Variants in PRKG1 observed in about 807,000 individuals in gnomAD.
The protein encoded by PRKG1 is protein kinase cGMP-dependent 1.
A neutral mutation model predicts 88.1 loss-of-function variants in PRKG1; 35 were observed. That is an observed-to-expected ratio of 0.40 (90% CI 0.30 to 0.53). The LOEUF is 0.53. Ranked by LOEUF, PRKG1 falls within the 20% of genes least tolerant of loss-of-function variation. The probability of loss-of-function intolerance (pLI) is 0.59; values close to 1 mark genes in which losing one functional copy is unlikely to be tolerated. For synonymous variants in PRKG1, 303 were observed against 292.5 expected (o/e 1.04, Z -0.37); for missense variants, 540 against 839.8 (o/e 0.64, Z 4.41).
At chr10:51,611,244 C>G (rs1292715972) in intron 3 of PRKG1, among the ~76,000 whole-genome samples, 1 of 152,096 alleles carries the variant, frequency 6.6e-6, no homozygotes, top group Non-Finnish European at 1.5e-5. Flanking sequence ...TTCCCACCAA[C>G]AGTGTATAAC....
At chr10:51,159,632 TG>T (rs1451145112) in intron 2 of PRKG1, among the ~76,000 whole-genome samples, 1 of 152,156 alleles carries the variant, frequency 6.6e-6, no homozygotes, top group East Asian at 1.9e-4. Context: ...AAGGAAGGGA[TG>T]TGAAATATTT....
At chr10:52,141,590 A>T (rs557009088) in intron 8 of PRKG1, among the ~76,000 whole-genome samples, 2 of 152,256 alleles carry the variant, frequency 1.3e-5, no homozygotes, top group South Asian at 4.1e-4. Context: ...CATCTCTGTT[A>T]TATGGATAGT....
intron 2 of PRKG1, among the ~76,000 whole-genome samples, chr10:51,294,060 A>T (rs1001728209): frequency 3.3e-5 from 5 of 151,926 alleles, no homozygotes; most frequent in African/African-American, 9.7e-5. Flanking sequence ...CCTAAGTTTT[A>T]ATAGAGTTTC....
At chr10:52,015,965 A>G (rs992497015) in intron 5 of PRKG1, among the ~76,000 whole-genome samples, 1 of 152,192 alleles carries the variant, frequency 6.6e-6, no homozygotes, top group Non-Finnish European at 1.5e-5. Context: ...TGTTCATATC[A>G]CTATCAGCAT....
chr10:51,761,269 A>T (rs1838015505), intron 3 of PRKG1, among the ~76,000 whole-genome samples: 2 of 152,238 alleles, frequency 1.3e-5, no homozygotes, highest in African/African-American at 4.8e-5. Flanking sequence ...TTAAAATAGC[A>T]TTACTACTAG....
At chr10:51,757,211 C>T (rs1404991003) in intron 3 of PRKG1, among the ~76,000 whole-genome samples, 2 of 152,118 alleles carry the variant, frequency 1.3e-5, no homozygotes, top group Non-Finnish European at 2.9e-5. Context: ...AAGTGATTCT[C>T]CTGCCTCAAC....
chr10:51,070,771 A>G (rs531299875), upstream of PRKG1, among the ~76,000 whole-genome samples: 1 of 152,320 alleles, frequency 6.6e-6, no homozygotes, highest in South Asian at 2.1e-4. Flanking sequence ...GTGCAAGACT[A>G]AAGAGCATGT....
chr10:52,029,072 A>G (rs1263648504), intron 5 of PRKG1, among the ~76,000 whole-genome samples: 1 of 152,226 alleles, frequency 6.6e-6, no homozygotes, highest in Non-Finnish European at 1.5e-5. Flanking sequence ...CTGTGACCCA[A>G]GGTGGTGCTT....
intron 3 of PRKG1, among the ~76,000 whole-genome samples, chr10:51,526,566 T>TA (rs1264277565): frequency 6.6e-6 from 1 of 152,212 alleles, no homozygotes; most frequent in African/African-American, 2.4e-5. Flanking sequence ...TAATCATTTT[T>TA]AAAAAATTTA....
chr10:51,266,384 G>A (rs1036851208), intron 2 of PRKG1, among the ~76,000 whole-genome samples: 2 of 152,170 alleles, frequency 1.3e-5, no homozygotes, highest in African/African-American at 2.4e-5. Flanking sequence ...AGACAGAACA[G>A]GAAGTCAAAA....
intron 9 of PRKG1, among the ~76,000 whole-genome samples, chr10:52,200,872 GT>G (rs1839647264): frequency 6.6e-6 from 1 of 151,890 alleles, no homozygotes; most frequent in Non-Finnish European, 1.5e-5. Context: ...AAAGTATCTG[GT>G]CATGTCCTTT....
chr10:52,036,610 G>A (rs1845617494), intron 5 of PRKG1, among the ~76,000 whole-genome samples: 1 of 151,984 alleles, frequency 6.6e-6, no homozygotes, highest in Admixed American at 6.6e-5. Flanking sequence ...ATACTTGTGG[G>A]TTAAGGTGGG....
intron 4 of PRKG1, among the ~76,000 whole-genome samples, chr10:51,863,405 A>C (rs1016990037): frequency 6.6e-6 from 1 of 152,180 alleles, no homozygotes; most frequent in Non-Finnish European, 1.5e-5. Context: ...CTGCCTGACT[A>C]TGCTTAAAAT....
chr10:51,460,591 G>A (rs1246143499), intron 2 of PRKG1, among the ~76,000 whole-genome samples: 1 of 152,086 alleles, frequency 6.6e-6, no homozygotes, highest in Non-Finnish European at 1.5e-5. Context: ...ACTGGAAATT[G>A]AAATCAGTCC....
intron 1 of PRKG1, among the ~76,000 whole-genome samples, chr10:51,078,996 C>A (rs1844039664): frequency 2.0e-5 from 3 of 152,070 alleles, no homozygotes; most frequent in Non-Finnish European, 2.9e-5. Flanking sequence ...TCAAGAAAAA[C>A]AAAATGTTCC....
chr10:51,475,733 G>C (rs758899612), intron 3 of PRKG1, among the ~76,000 whole-genome samples: 1 of 151,862 alleles, frequency 6.6e-6, no homozygotes, highest in Non-Finnish European at 1.5e-5. Context: ...ATTAAAAGAA[G>C]AACAGATTGA....
chr10:51,874,945 G>A (rs1841256294), intron 4 of PRKG1, among the ~76,000 whole-genome samples: 1 of 152,082 alleles, frequency 6.6e-6, no homozygotes, highest in Non-Finnish European at 1.5e-5. Context: ...ACACTTCCTG[G>A]ATTCTGGGGA....
intron 4 of PRKG1, among the ~76,000 whole-genome samples, chr10:51,871,819 G>A (rs181548533): frequency 6.6e-6 from 1 of 152,294 alleles, no homozygotes; most frequent in Admixed American, 6.5e-5. Flanking sequence ...TACATGTGCA[G>A]AGTCTTGCTG....
At chr10:51,407,474 G>C (rs1318955992) in intron 2 of PRKG1, among the ~76,000 whole-genome samples, 2 of 152,048 alleles carry the variant, frequency 1.3e-5, no homozygotes, top group African/African-American at 4.8e-5. Flanking sequence ...ATATTTTCTT[G>C]GTACAATTAT....
Sources: allele counts gnomAD v4.1 joint callset (sites outside exome capture counted in the v4.1 genomes callset), GRCh38; gene constraint gnomAD v4.1.1; transcripts MANE v1.5; gene names NCBI Gene and HGNC (gene_info 2026-07-23, HGNC 2026-07-21).